The following BMERB1 variants were observed in gnomAD, a reference collection of about 807,000 sequenced individuals.
BMERB1 encodes the protein bMERB domain-containing protein 1.
In BMERB1, 12 loss-of-function variants were observed where a neutral mutation model predicts 23.6. That is an observed-to-expected ratio of 0.51 (90% confidence interval 0.33 to 0.82). BMERB1 has a LOEUF of 0.82. Among genes scored for constraint, BMERB1 ranks in the 40% least tolerant of loss-of-function variants. The pLI, the probability that BMERB1 is intolerant of heterozygous loss-of-function variation, is 0.03. For missense variants in BMERB1, 247 were observed against 255.4 expected (o/e 0.97, Z 0.22); for synonymous variants, 122 against 96.6 (o/e 1.26, Z -1.54).
At chr16:15,511,739 C>T (rs371258508) in intron 1 of BMERB1, among the ~76,000 whole-genome samples, 22 of 152,128 alleles carry the variant, frequency 1.4e-4, no homozygotes, top group Non-Finnish European at 1.2e-4. Flanking sequence ...AGGCCAGGCA[C>T]GGTGGCTCGC....
At chr16:15,510,948 C>A (rs921172174) in intron 1 of BMERB1, among the ~76,000 whole-genome samples, 1 of 152,032 alleles carries the variant, frequency 6.6e-6, no homozygotes, top group African/African-American at 2.4e-5. Flanking sequence ...GTGATCCGCC[C>A]GCTTCGGCCT....
chr16:15,479,717 T>C (rs921622794), intron 1 of BMERB1, among the ~76,000 whole-genome samples: 2 of 151,942 alleles, frequency 1.3e-5, no homozygotes, highest in Non-Finnish European at 2.9e-5. Context: ...TTTTGAAAAA[T>C]AGAAGATTTT....
chr16:15,562,771 C>T (rs2030458867), intron 2 of BMERB1, among the ~76,000 whole-genome samples: 1 of 152,196 alleles, frequency 6.6e-6, no homozygotes, highest in Non-Finnish European at 1.5e-5. Context: ...GGAGTCTCTC[C>T]AGTTGAACGA....
chr16:15,534,284 T>A, intron 2 of BMERB1, among the ~76,000 whole-genome samples: 1 of 62,982 alleles, frequency 1.6e-5, no homozygotes. Context: ...TTTTTTTAAT[T>A]GCAAAAAAAA....
Position 15,515,408 on chromosome 16 carries a change from G to A in BMERB1, c.210G>A (p.Arg70=). The change falls in exon 2 of 6, where the codon CGG becomes CGA. Residue 70 remains arginine (R), a synonymous_variant. Coordinates refer to ENST00000300006, the MANE Select transcript of BMERB1 (RefSeq NM_033201.3). ...GTCTCCGGGAAGTCTTGGTCCGCCG[G>A]GAGTCTGAGCTCAGGTTCATGTGAG... ...IQRLREVLVR[R]ESELRFMMDD... is the part of the protein sequence containing the mutation. 1 of 1,613,972 alleles carries A rather than the reference G, an allele frequency of 6.2e-7. No individual in the cohort carries two copies. The highest frequency in any genetic ancestry group is 8.5e-7 in the Non-Finnish European group (1 of 1,179,980).
chr16:15,456,670 T>C (rs1485987562), intron 1 of BMERB1, among the ~76,000 whole-genome samples: 2 of 152,172 alleles, frequency 1.3e-5, no homozygotes, highest in Non-Finnish European at 2.9e-5. Context: ...CTTCCTTTTC[T>C]GATCACTGCA....
intron 2 of BMERB1, among the ~76,000 whole-genome samples, chr16:15,556,198 T>A (rs2030253312): frequency 1.3e-5 from 2 of 151,066 alleles, no homozygotes; most frequent in Admixed American, 6.6e-5. Context: ...AAAAATAGCA[T>A]GTGATAGTGA....
At chr16:15,472,883 G>C (rs2051242183) in intron 1 of BMERB1, among the ~76,000 whole-genome samples, 1 of 123,728 alleles carries the variant, frequency 8.1e-6, no homozygotes, top group African/African-American at 2.9e-5. Context: ...TTTTTGACAT[G>C]GTCTCGCTCT....
chr16:15,456,390 G>T (rs1403787850), intron 1 of BMERB1, among the ~76,000 whole-genome samples: 1 of 150,804 alleles, frequency 6.6e-6, no homozygotes, highest in Non-Finnish European at 1.5e-5. Flanking sequence ...AGGCTGGAGT[G>T]CAGTGGTATA....
intron 1 of BMERB1, among the ~76,000 whole-genome samples, chr16:15,459,604 A>G (rs982204745): frequency 2.6e-5 from 4 of 152,214 alleles, no homozygotes; most frequent in African/African-American, 7.2e-5. Context: ...AGTAGAAGGG[A>G]ATTGTAGAAT....
In BMERB1 at chr16:15,485,420, C is replaced by G. The variant is rs866467570; in HGVS notation, c.107-29885C>G. On this transcript the variant is annotated intron_variant, in intron 1 of 5. Coordinates refer to ENST00000300006, the MANE Select transcript of BMERB1 (RefSeq NM_033201.3). ...TTCCTGTCTGTAAATGGGTTTATCA[C>G]CACTCATTCAAGTCCTAATTATTAC... is the stretch of plus-strand genomic sequence containing the variant. 4.6e-5 allele frequency among the ~76,000 whole-genome samples: 7 copies of G among 152,186 alleles called. No individual in the cohort carries two copies. In the East Asian group the frequency reaches 1.3e-3, roughly 29 times the overall value.
At position 15,579,252 on chromosome 16, in the gene BMERB1, G is replaced by T. The variant is rs112003283; in HGVS notation, c.305-1965G>T. The stretch of plus-strand genomic sequence containing the variant: ...TGAGCAGGGGTCCTGGTGAGTCGAT[G>T]GGTGTTGGTGCGTGCTTGGAGAGGG... On this transcript the variant is annotated intron_variant, in intron 3 of 5. Transcript: ENST00000300006. 1.3e-3 allele frequency among the ~76,000 whole-genome samples: 196 copies of T among 152,300 alleles called. 1 individual carries two copies. Among genetic ancestry groups the T allele is most frequent in the African/African-American group, 4.5e-3 (185 of 41,554 alleles).
At chr16:15,569,344 T>C (rs926539579) in intron 3 of BMERB1, among the ~76,000 whole-genome samples, 2 of 152,114 alleles carry the variant, frequency 1.3e-5, no homozygotes, top group African/African-American at 4.8e-5. Context: ...AGGAAACTTA[T>C]AATCATGGCG....
intron 3 of BMERB1, among the ~76,000 whole-genome samples, chr16:15,580,021 A>G (rs992191080): frequency 6.6e-6 from 1 of 152,076 alleles, no homozygotes; most frequent in Non-Finnish European, 1.5e-5. Context: ...AGCCCGACAC[A>G]TAGGTATTAA....
chr16:15,481,526 CAAAA>C (rs1040005287), intron 1 of BMERB1, among the ~76,000 whole-genome samples: 3 of 146,486 alleles, frequency 2.0e-5, no homozygotes, highest in Non-Finnish European at 4.5e-5. Flanking sequence ...GACTCCATCT[CAAAA>C]AAAAAACCCA....
intron 4 of BMERB1, among the ~76,000 whole-genome samples, chr16:15,581,779 A>C (rs1205715915): frequency 6.6e-6 from 1 of 152,088 alleles, no homozygotes; most frequent in Non-Finnish European, 1.5e-5. Flanking sequence ...TCTAAGTATC[A>C]GGGTCTTCTC....
chr16:15,502,091 G>A (rs79178461), intron 1 of BMERB1, among the ~76,000 whole-genome samples: 2,118 of 152,334 alleles, frequency 0.014, 57 homozygotes, highest in African/African-American at 0.05. Context: ...GAGGTCGGCC[G>A]TTAGAAAGAT....
intron 1 of BMERB1, among the ~76,000 whole-genome samples, chr16:15,490,419 A>G (rs543633413): frequency 2.0e-5 from 3 of 152,262 alleles, no homozygotes; most frequent in African/African-American, 7.2e-5. Flanking sequence ...AGTAGCTGGG[A>G]CCACTGGCAT....
intron 1 of BMERB1, among the ~76,000 whole-genome samples, chr16:15,458,878 G>A (rs1035809995): frequency 1.3e-5 from 2 of 152,188 alleles, no homozygotes; most frequent in South Asian, 2.1e-4. Context: ...AGGCTGAGGC[G>A]CGTGGATCAC....
Sources: allele counts gnomAD v4.1 joint callset (sites outside exome capture counted in the v4.1 genomes callset), GRCh38; gene constraint gnomAD v4.1.1; transcripts MANE v1.5; gene names NCBI Gene and HGNC (gene_info 2026-07-23, HGNC 2026-07-21).